Variants in ERBIN observed in about 807,000 individuals in gnomAD.
ERBIN encodes densin-180-like protein.
In ERBIN, 60 loss-of-function variants were observed where a neutral mutation model predicts 158.4. The ratio of observed to expected loss-of-function variants is 0.38; its 90% CI spans 0.31 to 0.47. The LOEUF (loss-of-function observed/expected upper bound fraction) is 0.47, where lower values mean the gene tolerates loss of function less well. Among genes scored for constraint, ERBIN ranks in the 20% least tolerant of loss-of-function variants. The probability of loss-of-function intolerance (pLI) is 0.99; values close to 1 mark genes in which losing one functional copy is unlikely to be tolerated. For synonymous variants in ERBIN, 594 were observed against 557.2 expected, an observed-to-expected ratio of 1.07 and a Z score of -0.93; for missense variants, 1,610 against 1,648.0, an observed-to-expected ratio of 0.98 and a Z score of 0.40.
intron 14 of ERBIN, among the ~76,000 whole-genome samples, chr5:66,032,463 GT>G (rs1285555024): frequency 1.3e-5 from 2 of 152,142 alleles, no homozygotes; most frequent in Non-Finnish European, 2.9e-5. Flanking sequence ...TATAAGTTGT[GT>G]CTGTCTCAGG....
intron 21 of ERBIN, among the ~76,000 whole-genome samples, chr5:66,056,981 C>T (rs188593664): frequency 6.6e-6 from 1 of 152,134 alleles, no homozygotes; most frequent in Admixed American, 6.5e-5. Flanking sequence ...GCTGTGTTTG[C>T]CTGTTTCAGT....
intron 14 of ERBIN, among the ~76,000 whole-genome samples, chr5:66,032,227 C>A (rs1363309814): frequency 6.6e-6 from 1 of 152,000 alleles, no homozygotes; most frequent in Admixed American, 6.6e-5. Context: ...TGCAGAGGAA[C>A]CTGTATTATA....
intron 1 of ERBIN, among the ~76,000 whole-genome samples, chr5:65,940,132 A>G (rs867051188): frequency 5.7e-5 from 8 of 139,828 alleles, no homozygotes; most frequent in Middle Eastern, 3.6e-3. Flanking sequence ...CATCCCATCT[A>G]GGAAGTGAGG....
chr5:66,067,215 G>A (rs535219903), intron 21 of ERBIN, among the ~76,000 whole-genome samples: 10 of 152,192 alleles, frequency 6.6e-5, no homozygotes, highest in African/African-American at 2.4e-4. Context: ...TTTTTCTTTA[G>A]TCACTACTTT....
chr5:65,963,932 T>A (rs1748230162), intron 1 of ERBIN, among the ~76,000 whole-genome samples: 1 of 152,000 alleles, frequency 6.6e-6, no homozygotes, highest in African/African-American at 2.4e-5. Flanking sequence ...CCCGAGTAGC[T>A]GGGACTACAG....
chr5:66,011,211 AG>A (rs1301529531), intron 4 of ERBIN, among the ~76,000 whole-genome samples: 1 of 152,250 alleles, frequency 6.6e-6, no homozygotes, highest in East Asian at 1.9e-4. Context: ...AAATATAGTT[AG>A]GAAAAACAGG....
intron 17 of ERBIN, among the ~76,000 whole-genome samples, chr5:66,045,544 G>A (rs1351837043): frequency 6.6e-6 from 1 of 151,978 alleles, no homozygotes; most frequent in East Asian, 1.9e-4. Flanking sequence ...ACTCTGTGAT[G>A]TTCACAGAGG....
intron 21 of ERBIN, among the ~76,000 whole-genome samples, chr5:66,064,885 A>G (rs1760824627): frequency 1.3e-5 from 2 of 152,196 alleles, no homozygotes; most frequent in South Asian, 4.1e-4. Flanking sequence ...TTTTAAATAG[A>G]GACAGGGTCT....
intron 1 of ERBIN, among the ~76,000 whole-genome samples, chr5:65,950,790 ATT>A (rs80243692): frequency 1.4e-5 from 2 of 144,820 alleles, no homozygotes; most frequent in African/African-American, 5.0e-5. Flanking sequence ...ATTCATATGT[ATT>A]TTTTTTTTTT....
chr5:66,012,302 C>G (rs1374655423), intron 5 of ERBIN, among the ~76,000 whole-genome samples, 175 bp downstream of exon 5: 1 of 152,066 alleles, frequency 6.6e-6, no homozygotes. Context: ...CCATGTACTA[C>G]TGAGGTAAAT....
At chr5:65,976,664 C>A (rs1479931547) in intron 1 of ERBIN, among the ~76,000 whole-genome samples, 2 of 151,244 alleles carry the variant, frequency 1.3e-5, no homozygotes, top group African/African-American at 4.9e-5. Flanking sequence ...GACCCTGCGG[C>A]CTTCCGCAGT....
At chr5:66,039,190 A>G (rs913303312) in intron 15 of ERBIN, among the ~76,000 whole-genome samples, 4 of 151,996 alleles carry the variant, frequency 2.6e-5, no homozygotes, top group African/African-American at 9.7e-5. Flanking sequence ...CATTTCAATC[A>G]TAAGTCTTAA....
At chr5:66,022,653 A>G (rs185505305) in intron 8 of ERBIN, among the ~76,000 whole-genome samples, 38 of 152,348 alleles carry the variant, frequency 2.5e-4, no homozygotes, top group African/African-American at 9.1e-4. Context: ...TTGCCTGGAT[A>G]TGAAGGTCTG....
chr5:65,965,382 GTTTTT>G (rs200847060), intron 1 of ERBIN, among the ~76,000 whole-genome samples: 6 of 96,054 alleles, frequency 6.2e-5, no homozygotes, highest in African/African-American at 1.2e-4. Context: ...GTTTTTTGTT[GTTTTT>G]TTTTTTTTTT....
intron 21 of ERBIN, among the ~76,000 whole-genome samples, chr5:66,057,786 G>T (rs574067958): frequency 2.4e-4 from 36 of 148,366 alleles, no homozygotes; most frequent in African/African-American, 8.7e-4. Flanking sequence ...CCACCTGTGA[G>T]TGAGAACATG....
At chr5:65,945,356 C>A (rs1036339550) in intron 1 of ERBIN, among the ~76,000 whole-genome samples, 1 of 152,168 alleles carries the variant, frequency 6.6e-6, no homozygotes, top group Non-Finnish European at 1.5e-5. Context: ...TCATTAGTTT[C>A]TATAGTAGTC....
chr5:66,011,372 C>T (rs1173388110), intron 4 of ERBIN, among the ~76,000 whole-genome samples: 1 of 152,122 alleles, frequency 6.6e-6, no homozygotes, highest in Non-Finnish European at 1.5e-5. Flanking sequence ...GGAACCAGCT[C>T]AATCAAGAGC....
At chr5:66,023,738 C>T (rs937533873) in intron 9 of ERBIN, among the ~76,000 whole-genome samples, 1 of 147,180 alleles carries the variant, frequency 6.8e-6, no homozygotes, top group African/African-American at 2.5e-5. Flanking sequence ...TGCAGTGGTG[C>T]GATCTCGGCT....
At position 66,025,972 on chromosome 5, in the gene ERBIN, C is replaced by T; in HGVS notation, c.1015C>T (p.Pro339Ser). 1 of 1,578,138 alleles carries T rather than the reference C, an allele frequency of 6.3e-7. No homozygotes were observed. Among genetic ancestry groups the T allele is most frequent in the Non-Finnish European group, 8.6e-7 (1 of 1,166,840 alleles). Residue 339 changes from proline to serine, a missense_variant, in exon 12 of 26, where the codon CCA becomes TCA. By Grantham distance (74) the Pro-to-Ser change is moderately conservative. Transcript: ENST00000284037. ...TCATAATTACTTACAGCAGTTGCCC[C>T]CAGAGGTAATGTATTTTAGATTTGT... ...ADHNYLQQLP[P>S]EIGSWKNITV...
Sources: gnomAD v4.1 joint callset for allele counts (sites outside exome capture counted in the v4.1 genomes callset) on GRCh38, gnomAD v4.1.1 for gene constraint, MANE v1.5 for transcripts, NCBI Gene and HGNC (gene_info 2026-07-23, HGNC 2026-07-21) for gene names.